The following ABCC8 variants were observed in gnomAD, a reference collection of about 807,000 sequenced individuals.
ABCC8 encodes the protein ATP-binding cassette sub-family C member 8.
In ABCC8, 137 loss-of-function variants were observed where a neutral mutation model predicts 188.0. That is an observed-to-expected ratio of 0.73 (90% CI 0.63 to 0.84). ABCC8 has a LOEUF of 0.84. Ranked by LOEUF, ABCC8 falls within the 40% of genes least tolerant of loss-of-function variation. The probability of loss-of-function intolerance (pLI) is 0.00; values close to 1 mark genes in which losing one functional copy is unlikely to be tolerated. For missense variants in ABCC8, 1,750 were observed against 2,072.7 expected (o/e 0.84, Z 3.02); for synonymous variants, 797 against 846.5 (o/e 0.94, Z 1.01).
chr11:17,443,445 G>C (rs1164799013), intron 8 of ABCC8, 133 bp from the exon 9 acceptor site: 14 of 1,485,842 alleles, frequency 9.4e-6, no homozygotes, highest in Non-Finnish European at 1.2e-5. Flanking sequence ...AATTATCTTG[G>C]GGAGTGGAGT....
Position 17,404,380 on chromosome 11 carries a change from C to T in ABCC8, c.3557+132G>A. 8 of 972,362 alleles carry T rather than the reference C, an allele frequency of 8.2e-6. No individual in the cohort carries two copies. The highest frequency in any genetic ancestry group is 1.3e-5 in the Non-Finnish European group (8 of 604,406). The allele number at this position is 972,362 out of a possible 1,614,324, so 60.2% of individuals were successfully genotyped here. On this transcript the variant is annotated intron_variant, in intron 28 of 38. Transcript: ENST00000389817. This position sits in a 1 kb window ranked among gnomAD's most constrained non-coding sequence, Gnocchi z 4.7. ...AATAAGATGTGGATATTTCTATTTC[C>T]TTCATTTCTGTTTTTTGTTTTTATT...
intron 6 of ABCC8, among the ~76,000 whole-genome samples, chr11:17,453,613 A>T (rs766247407): frequency 5.9e-5 from 9 of 152,204 alleles, no homozygotes; most frequent in Admixed American, 2.0e-4. Context: ...GGCAAGAATA[A>T]ATAGAGCACC....
chr11:17,394,365 G>T lies in ABCC8; in HGVS notation c.4446C>A (p.Ser1482Arg), dbSNP rs1554904107. Reference sequence around the variant, plus strand: ...GGCAGAACAGCTGCCTCTGTCCCTGGCTGAAATTCTCCCCGCCTTCTGTGA... The same window carrying T: ...GGCAGAACAGCTGCCTCTGTCCCTGTCTGAAATTCTCCCCGCCTTCTGTGA... ...AIITEGGENFSQGQRQLFCLA... is the reference protein window; with the variant it reads ...AIITEGGENFRQGQRQLFCLA... Residue 1482 changes from serine (S) to arginine (R), a missense_variant, in exon 37 of 39, where the codon AGC (serine) becomes AGA (arginine). Physicochemically the swap from Ser to Arg is moderately radical, Grantham distance 110. Coordinates refer to ENST00000389817, the MANE Select transcript of ABCC8 (RefSeq NM_000352.6). 9 of 1,614,182 alleles carry T rather than the reference G, an allele frequency of 5.6e-6. No individual in the cohort carries two copies. Among genetic ancestry groups the T allele is most frequent in the Non-Finnish European group, 6.8e-6 (8 of 1,180,040 alleles).
rs761043838 is a variant in ABCC8 at position 17,395,275 on chromosome 11, T to C, written c.4308A>G (p.Arg1436=). 9 of 1,583,598 alleles carry C rather than the reference T, an allele frequency of 5.7e-6. No homozygotes were observed. The highest frequency in any genetic ancestry group is 1.7e-4 in the Middle Eastern group (1 of 5,970). The change falls in exon 36 of 39, where the codon CGA becomes CGG. Residue 1436 remains arginine (R), a splice_region_variant and synonymous_variant. Coordinates refer to ENST00000389817, the MANE Select transcript of ABCC8 (RefSeq NM_000352.6). ...ACTTCCTCTCAGGGTCCAGGTTAAA[T>C]CTGGAAGTGGCACAGAAAGCCCCAG... The part of the protein sequence containing the change: ...QDPVLFSGTI[R]FNLDPERKCS...
chr11:17,461,611 C>G lies in ABCC8; in HGVS notation c.794G>C (p.Arg265Pro). 1 of 1,614,244 alleles carries G rather than the reference C, an allele frequency of 6.2e-7. No homozygotes were observed. Among genetic ancestry groups the G allele is most frequent in the Non-Finnish European group, 8.5e-7 (1 of 1,180,040 alleles). Residue 265 changes from arginine (R) to proline (P), a missense_variant, in exon 5 of 39, where the codon CGG becomes CCG. Physicochemically the swap from Arg to Pro is moderately radical, Grantham distance 103. Coordinates refer to ENST00000389817, the MANE Select transcript of ABCC8 (RefSeq NM_000352.6). ...CTGGGCGTCAAAGGCCTCGCAGAGC[C>G]GTTGGTAGTTGGTGAGGGCCCTCAT... ...IAMRALTNYQ[R>P]LCEAFDAQVR... is the part of the protein sequence containing the mutation.
At chr11:17,426,099 G>C (rs927417878) in intron 16 of ABCC8, among the ~76,000 whole-genome samples, 17 of 152,140 alleles carry the variant, frequency 1.1e-4, no homozygotes, top group Non-Finnish European at 4.4e-5. Context: ...TGGGCATTTG[G>C]GTTGTTTCCA....
rs57138230 is a variant in ABCC8 at position 17,399,275 on chromosome 11, CAAAAAAAAAAAA to C, written c.3651-846_3651-835del. On this transcript the variant is annotated intron_variant, in intron 29 of 38. Coordinates refer to ENST00000389817, the MANE Select transcript of ABCC8 (RefSeq NM_000352.6). The stretch of plus-strand genomic sequence containing the variant: ...TGGGTGACAAAGTGAGACTCTGCCT[CAAAAAAAAAAAA>C]AAAAAAAAAAAAAAAAACAAATAAA... 2.2e-3 allele frequency among the ~76,000 whole-genome samples: 131 copies of C among 58,534 alleles called. 1 individual carries two copies. The highest frequency in any genetic ancestry group is 0.015 in the East Asian group (39 of 2,686). The allele number at this position is 58,534 out of a possible 152,430, so 38.4% of individuals were successfully genotyped here.
At chr11:17,472,131 A>G (rs1303756341) in intron 2 of ABCC8, among the ~76,000 whole-genome samples, 1 of 152,230 alleles carries the variant, frequency 6.6e-6, no homozygotes, top group Non-Finnish European at 1.5e-5. Context: ...GGAGGTAGAA[A>G]TGTTAAAATT....
Position 17,406,616 on chromosome 11 carries a change from G to A in ABCC8, c.3329+6C>T, listed in dbSNP as rs113873225. The A allele has an allele frequency of 0.017, 27,978 of 1,611,936 alleles. 293 individuals are homozygous for A. The highest frequency in any genetic ancestry group is 0.021 in the Non-Finnish European group (24,619 of 1,178,386). The stretch of plus-strand genomic sequence containing the variant: ...CAGTCCCAGCCTGGCCAGGGGAGAC[G>A]GGTACCTCATGGGGGCTAGGATGAT... On this transcript the variant is annotated splice_donor_region_variant and intron_variant, in intron 26 of 38. Transcript: ENST00000389817.
intron 7 of ABCC8, 87 bp from the exon 8 acceptor site, chr11:17,448,758 G>A (rs1956641660): frequency 6.2e-7 from 1 of 1,609,494 alleles, no homozygotes; most frequent in African/African-American, 1.3e-5. Context: ...GTGTGCCAGG[G>A]GCTTCTCAGA....
rs979746660 is a variant in ABCC8, at chr11:17,427,088, C to T, written c.2183G>A (p.Gly728Glu). 6.2e-7 allele frequency: 1 copy of T among 1,614,016 alleles called. No homozygotes were observed. The highest frequency in any genetic ancestry group is 8.5e-7 in the Non-Finnish European group (1 of 1,179,974). ...GKSSLLLAAL[G>E]EMQKVSGAVF... The stretch of plus-strand genomic sequence containing the variant: ...AGCCCCTGAGACCTTCTGCATCTCC[C>T]CCAGTGCGGCTAGAAGGAGCGAGGA... Residue 728 changes from glycine (G) to glutamate (E), a missense_variant, in exon 16 of 39, where the codon GGG becomes GAG. By Grantham distance (98) the Gly-to-Glu change is moderately conservative. Coordinates refer to ENST00000389817, the MANE Select transcript of ABCC8 (RefSeq NM_000352.6). The surrounding 1 kb of genome is among the most constrained non-coding windows in gnomAD (Gnocchi z 5.0).
chr11:17,439,671 C>A (rs1250137688), intron 10 of ABCC8, among the ~76,000 whole-genome samples: 1 of 152,192 alleles, frequency 6.6e-6, no homozygotes, highest in Non-Finnish European at 1.5e-5. Flanking sequence ...GAGCAAACAG[C>A]ACTTGACTTT....
chr11:17,393,739 C>A lies in ABCC8; in HGVS notation c.4566G>T (p.Val1522=). Reference sequence around the variant, plus strand: ...TGCGGTCTGCGAAGGCTGTCATCACCACCTTTTGGAGGATGTTTTCCTGCC... The same window carrying A: ...TGCGGTCTGCGAAGGCTGTCATCACAACCTTTTGGAGGATGTTTTCCTGCC... ...DMATENILQK[V]VMTAFADRTV... The change falls in exon 38 of 39, where the codon GTG becomes GTT. Residue 1522 remains valine (V), a synonymous_variant. Coordinates refer to ENST00000389817, the MANE Select transcript of ABCC8 (RefSeq NM_000352.6). 1 of 1,614,214 alleles carries A rather than the reference C, an allele frequency of 6.2e-7. No homozygotes were observed.
At chr11:17,397,565 G>T in intron 31 of ABCC8, 119 bp downstream of exon 31, 1 of 1,447,352 alleles carries the variant, frequency 6.9e-7, no homozygotes, top group Non-Finnish European at 9.4e-7. Flanking sequence ...TGTCCCTCTG[G>T]CATCAGATGC....
In ABCC8 at chr11:17,404,683, G is replaced by A. The variant is rs745575417; in HGVS notation, c.3400-14C>T. On this transcript the variant is annotated splice_polypyrimidine_tract_variant and intron_variant, in intron 27 of 38. Transcript: ENST00000389817. This position sits in a 1 kb window ranked among gnomAD's most constrained non-coding sequence, Gnocchi z 4.7. Reference sequence around the variant, plus strand: ...GGATGGGATGTGCTGAGGGAGACGAGGGGGAGAGAGTGAGGTGAATTTTGG... The same window carrying A: ...GGATGGGATGTGCTGAGGGAGACGAAGGGGAGAGAGTGAGGTGAATTTTGG... 27 of 1,594,568 alleles carry A rather than the reference G, an allele frequency of 1.7e-5. No individual in the cohort carries two copies. Among genetic ancestry groups the A allele is most frequent in the South Asian group, 7.9e-5 (7 of 88,676 alleles).
Position 17,397,827 on chromosome 11 carries a change from C to T in ABCC8, c.3754-30G>A, listed in dbSNP as rs373060283. ...GGAGGGAGAGGAGCTGACCTGGGCGCTCAGGGGTTAGAGCCACAGGCCCCT... is the reference window on the plus strand; with the variant it reads ...GGAGGGAGAGGAGCTGACCTGGGCGTTCAGGGGTTAGAGCCACAGGCCCCT... On this transcript the variant is annotated intron_variant, in intron 30 of 38. Transcript: ENST00000389817. 32 of 1,612,020 alleles carry T rather than the reference C, an allele frequency of 2.0e-5. No individual in the cohort carries two copies. In the African/African-American group the frequency reaches 3.6e-4, roughly 18 times the overall value.
At chr11:17,464,441 A>G (rs1327653746) in intron 3 of ABCC8, among the ~76,000 whole-genome samples, 1 of 152,240 alleles carries the variant, frequency 6.6e-6, no homozygotes, top group Non-Finnish European at 1.5e-5. Flanking sequence ...AGCCTGTGAC[A>G]TAATAGCTGT....
At chr11:17,424,756 C>T (rs530625813) in intron 16 of ABCC8, among the ~76,000 whole-genome samples, 1 of 152,306 alleles carries the variant, frequency 6.6e-6, no homozygotes, top group African/African-American at 2.4e-5. Flanking sequence ...TGGACAATAA[C>T]CCTTAGGACT....
At position 17,423,964 on chromosome 11, in the gene ABCC8, T is replaced by G. The variant is rs150006816; in HGVS notation, c.2222+3085A>C. ...CACCTCAGTTTCCTAATCTGATAAATGAGGATATAATAATATCTACTGCAC... is the reference window on the plus strand; with the variant it reads ...CACCTCAGTTTCCTAATCTGATAAAGGAGGATATAATAATATCTACTGCAC... On this transcript the variant is annotated intron_variant, in intron 16 of 38. Coordinates refer to ENST00000389817, the MANE Select transcript of ABCC8 (RefSeq NM_000352.6). 2.2e-3 allele frequency among the ~76,000 whole-genome samples: 330 copies of G among 152,368 alleles called. 1 individual carries two copies. Among genetic ancestry groups the G allele is most frequent in the African/African-American group, 7.7e-3 (320 of 41,576 alleles).
Sources: gnomAD v4.1 joint callset for allele counts (sites outside exome capture counted in the v4.1 genomes callset) on GRCh38, gnomAD v4.1.1 for gene constraint, Gnocchi (gnomAD v3.1) non-coding constraint, MANE v1.5 for transcripts, NCBI Gene and HGNC (gene_info 2026-07-23, HGNC 2026-07-21) for gene names.